IGSF5: variants seen among roughly 807,000 people sequenced by gnomAD.
IGSF5 encodes the protein immunoglobulin superfamily member 5.
A neutral mutation model predicts 39.4 loss-of-function variants in IGSF5; 41 were observed. That is an observed-to-expected ratio of 1.04 (90% CI 0.81 to 1.35). IGSF5 has a LOEUF of 1.35. Among genes scored for constraint, IGSF5 ranks in the 40% most tolerant of loss-of-function variants. The pLI, the probability that IGSF5 is intolerant of heterozygous loss-of-function variation, is 0.00. For missense variants in IGSF5, 487 were observed against 494.6 expected, an observed-to-expected ratio of 0.98 and a Z score of 0.15; for synonymous variants, 183 against 175.3, an observed-to-expected ratio of 1.04 and a Z score of -0.34.
At chr21:39,733,290 G>A in the IGSF5 span, among the ~76,000 whole-genome samples, 1 of 151,984 alleles carries the variant, frequency 6.6e-6, no homozygotes, top group Non-Finnish European at 1.5e-5. Context: ...TTAAAGCAAT[G>A]TTCATGAATG....
chr21:39,741,541 A>G (rs984824842), upstream of IGSF5, among the ~76,000 whole-genome samples: 1 of 152,230 alleles, frequency 6.6e-6, no homozygotes, highest in African/African-American at 2.4e-5. Flanking sequence ...TGATGGCACA[A>G]GGTTTCTGAA....
At chr21:39,748,820 A>AGAAGTGAG (rs5843976) in intron 2 of IGSF5, among the ~76,000 whole-genome samples, 1 of 151,744 alleles carries the variant, frequency 6.6e-6, no homozygotes, top group Non-Finnish European at 1.5e-5. Flanking sequence ...AAGTTCCACC[A>AGAAGTGAG]GAAAACAGCC....
At chr21:39,716,640 C>T in the IGSF5 span, among the ~76,000 whole-genome samples, 3 of 152,176 alleles carry the variant, frequency 2.0e-5, no homozygotes, top group Non-Finnish European at 4.4e-5. Context: ...AGGATGATAG[C>T]CTCCAGCTCC....
the IGSF5 span, among the ~76,000 whole-genome samples, chr21:39,734,650 T>G: frequency 6.6e-6 from 1 of 152,092 alleles, no homozygotes; most frequent in Non-Finnish European, 1.5e-5. Flanking sequence ...ATTAGGTGTA[T>G]CCTTTTTGAT....
chr21:39,720,599 G>A, the IGSF5 span, among the ~76,000 whole-genome samples: 1 of 152,198 alleles, frequency 6.6e-6, no homozygotes. Context: ...AAAGGCCAGA[G>A]AAGTTACAGC....
chr21:39,713,645 A>G, the IGSF5 span, among the ~76,000 whole-genome samples: 4 of 152,070 alleles, frequency 2.6e-5, no homozygotes, highest in Non-Finnish European at 5.9e-5. Flanking sequence ...GGCATCTTTC[A>G]TGTCGCAGGA....
intron 8 of IGSF5, among the ~76,000 whole-genome samples, chr21:39,795,124 G>A (rs2086987994): frequency 6.6e-6 from 1 of 152,198 alleles, no homozygotes; most frequent in Non-Finnish European, 1.5e-5. Context: ...ACAAGTTCCA[G>A]TGACTTTCCT....
chr21:39,796,868 A>C (rs944710520), intron 8 of IGSF5, among the ~76,000 whole-genome samples: 1 of 152,226 alleles, frequency 6.6e-6, no homozygotes, highest in African/African-American at 2.4e-5. Context: ...CTATCCATGG[A>C]GATGCGGCAG....
intron 2 of IGSF5, among the ~76,000 whole-genome samples, chr21:39,759,765 G>T (rs1460859061): frequency 6.6e-6 from 1 of 151,948 alleles, no homozygotes; most frequent in Non-Finnish European, 1.5e-5. Flanking sequence ...TACTCGGGAG[G>T]CTGAGGCAGG....
At chr21:39,768,985 C>T (rs1043705984) in intron 3 of IGSF5, among the ~76,000 whole-genome samples, 4 of 152,012 alleles carry the variant, frequency 2.6e-5, no homozygotes, top group Admixed American at 2.6e-4. Context: ...CCCTTCTTCT[C>T]ACAAGTGCAC....
rs531752179 is a variant in IGSF5, at chr21:39,780,600, T to A, written c.934+1295T>A. Among the ~76,000 whole-genome samples, 3 of 152,244 alleles carry A rather than the reference T, an allele frequency of 2.0e-5. No individual in the cohort carries two copies. In the South Asian group the frequency reaches 6.2e-4, roughly 32 times the overall value. On this transcript the variant is annotated intron_variant, in intron 5 of 8. Coordinates refer to ENST00000380588, the MANE Select transcript of IGSF5 (RefSeq NM_001080444.2). ...AGAGTGGTAGAAAGAAAAAATAAGATCTTCTGTTAATAAAAAATAGTATCA... is the reference window on the plus strand; with the variant it reads ...AGAGTGGTAGAAAGAAAAAATAAGAACTTCTGTTAATAAAAAATAGTATCA...
intron 8 of IGSF5, among the ~76,000 whole-genome samples, chr21:39,794,839 C>T (rs1018802371): frequency 2.6e-5 from 4 of 152,102 alleles, no homozygotes; most frequent in Admixed American, 1.3e-4. Context: ...TCTTTCTTGG[C>T]ACAGGTATTT....
chr21:39,741,926 T>C (rs2146265945), upstream of IGSF5, among the ~76,000 whole-genome samples: 1 of 152,208 alleles, frequency 6.6e-6, no homozygotes, highest in Non-Finnish European at 1.5e-5. Context: ...GTTTCTGTAC[T>C]CCTAAAATTG....
Position 39,745,410 on chromosome 21 carries a change from A to G in IGSF5, c.-100A>G. 1 of 677,264 alleles carries G rather than the reference A, an allele frequency of 1.5e-6. No homozygotes were observed. The highest frequency in any genetic ancestry group is 2.7e-6 in the Non-Finnish European group (1 of 371,990). 42.0% of individuals were successfully genotyped at this position (677,264 alleles called of 1,614,324 possible). On this transcript the variant is annotated 5_prime_UTR_variant, in exon 1 of 9. Coordinates refer to ENST00000380588, the MANE Select transcript of IGSF5 (RefSeq NM_001080444.2). ...GCTAGAGGAAATGAAAGTCTGAACCATTAGTACCTAGGAGGCAGGGATCAG... is the reference window on the plus strand; with the variant it reads ...GCTAGAGGAAATGAAAGTCTGAACCGTTAGTACCTAGGAGGCAGGGATCAG...
the IGSF5 span, among the ~76,000 whole-genome samples, chr21:39,732,045 A>G: frequency 1.3e-5 from 2 of 152,122 alleles, no homozygotes; most frequent in East Asian, 3.9e-4. Flanking sequence ...TCCATGTCAA[A>G]GAGAGTAAGA....
At chr21:39,730,378 A>G in the IGSF5 span, 1 of 152,178 alleles carries the variant, frequency 6.6e-6, no homozygotes, top group Non-Finnish European at 1.5e-5. Flanking sequence ...TCTTCTATCA[A>G]GACCCTGAGA....
the IGSF5 span, among the ~76,000 whole-genome samples, chr21:39,712,932 T>A: frequency 6.6e-6 from 1 of 152,196 alleles, no homozygotes; most frequent in African/African-American, 2.4e-5. Context: ...TATATGTGTT[T>A]TAACCTCGGG....
chr21:39,756,077 C>T (rs897187772), intron 2 of IGSF5, among the ~76,000 whole-genome samples: 17 of 149,106 alleles, frequency 1.1e-4, no homozygotes, highest in East Asian at 4.0e-4. Flanking sequence ...GGCAACAGAG[C>T]GGGACTCGGT....
chr21:39,774,138 T>C (rs2080128386), intron 4 of IGSF5, among the ~76,000 whole-genome samples: 1 of 152,212 alleles, frequency 6.6e-6, no homozygotes, highest in African/African-American at 2.4e-5. Flanking sequence ...TGTTTCTAAA[T>C]TATTCATCAA....
Sources: allele counts gnomAD v4.1 joint callset (sites outside exome capture counted in the v4.1 genomes callset), GRCh38; gene constraint gnomAD v4.1.1; transcripts MANE v1.5; gene names NCBI Gene and HGNC (gene_info 2026-07-23, HGNC 2026-07-21).